The following TOPBP1 variants were observed in gnomAD, a reference collection of about 807,000 sequenced individuals.
TOPBP1 encodes the protein DNA topoisomerase 2-binding protein 1.
TOPBP1 carries 28 observed loss-of-function variants against 167.7 expected under a neutral mutation model. The observed-to-expected ratio is 0.17, with a 90% confidence interval of 0.12 to 0.23. TOPBP1 has a LOEUF of 0.23. TOPBP1 is among the 10% of genes least tolerant of loss of function. The pLI, the probability that TOPBP1 is intolerant of heterozygous loss-of-function variation, is 1.00. For synonymous variants in TOPBP1, 598 were observed against 611.4 expected (o/e 0.98, Z 0.32); for missense variants, 1,554 against 1,809.6 (o/e 0.86, Z 2.56).
intron 23 of TOPBP1, among the ~76,000 whole-genome samples, chr3:133,613,632 T>C (rs1030719484): frequency 1.3e-5 from 2 of 152,062 alleles, no homozygotes; most frequent in African/African-American, 4.8e-5. Context: ...AAAGCAATAA[T>C]TGAACCTCTT....
At chr3:133,638,220 G>C (rs984567971) in intron 13 of TOPBP1, 58 bp from the exon 14 acceptor site, 2 of 1,491,948 alleles carry the variant, frequency 1.3e-6, no homozygotes, top group Non-Finnish European at 1.8e-6. Flanking sequence ...CTTTTTCCCG[G>C]TACACAAGAA....
intron 5 of TOPBP1, among the ~76,000 whole-genome samples, chr3:133,656,135 A>T (rs1360168172): frequency 2.0e-5 from 3 of 151,528 alleles, no homozygotes; most frequent in Admixed American, 6.6e-5. Context: ...TCTAAGCTCC[A>T]TGAGGGAAGT....
intron 24 of TOPBP1, among the ~76,000 whole-genome samples, chr3:133,611,541 C>T (rs1004432002): frequency 6.6e-6 from 1 of 152,074 alleles, no homozygotes; most frequent in Non-Finnish European, 1.5e-5. Context: ...TGAAAGCTTA[C>T]AATGAGATAA....
intron 12 of TOPBP1, among the ~76,000 whole-genome samples, chr3:133,641,092 A>C (rs961154630): frequency 6.6e-6 from 1 of 151,206 alleles, no homozygotes; most frequent in African/African-American, 2.4e-5. Context: ...TTTTTTTTCT[A>C]TGTTTTGTGT....
rs377102298 is a variant in TOPBP1, at chr3:133,601,136, A to G, written c.*114T>C. The G allele has an allele frequency of 7.2e-5, 62 of 858,746 alleles. No individual in the cohort carries two copies. In the East Asian group the frequency reaches 1.7e-3, roughly 23 times the overall value. The allele number at this position is 858,746 out of a possible 1,614,324, so 53.2% of individuals were successfully genotyped here. A position where few individuals can be genotyped will look rare whatever the true frequency, so the allele number is the denominator to read the frequency against. On this transcript the variant is annotated 3_prime_UTR_variant, in exon 28 of 28. Transcript: ENST00000260810. Reference sequence around the variant, plus strand: ...AAGAAGGGTCATCATTATACTCTGAAGCAGAATTCTTCAGGTACTCATCTT... The same window carrying G: ...AAGAAGGGTCATCATTATACTCTGAGGCAGAATTCTTCAGGTACTCATCTT...
In TOPBP1 at chr3:133,608,707, A is replaced by G; in HGVS notation, c.4264-11T>C. 1 of 1,612,750 alleles carries G rather than the reference A, an allele frequency of 6.2e-7. No individual in the cohort carries two copies. The highest frequency in any genetic ancestry group is 8.5e-7 in the Non-Finnish European group (1 of 1,179,478). ...ATGACCAGGTAGCACCTAATGAAAA[A>G]ACAAGGTAGTATCACAATCTACCAG... On this transcript the variant is annotated splice_polypyrimidine_tract_variant and intron_variant, in intron 26 of 27. Transcript: ENST00000260810.
intron 27 of TOPBP1, among the ~76,000 whole-genome samples, chr3:133,606,319 A>C (rs1044313091): frequency 1.3e-5 from 2 of 151,472 alleles, no homozygotes; most frequent in African/African-American, 4.9e-5. Context: ...AATTTAACAA[A>C]AGATAGGTAA....
chr3:133,657,746 GAATA>G, intron 4 of TOPBP1, 48 bp downstream of exon 4: 5 of 1,382,698 alleles, frequency 3.6e-6, no homozygotes, highest in Non-Finnish European at 1.9e-6. Flanking sequence ...GAAAAATTAA[GAATA>G]AGAGATAGAT....
chr3:133,630,163 T>C (rs1206744262), intron 14 of TOPBP1, among the ~76,000 whole-genome samples: 1 of 152,176 alleles, frequency 6.6e-6, no homozygotes, highest in Non-Finnish European at 1.5e-5. Flanking sequence ...GGGTTGTTAG[T>C]CTTTTTTTTA....
rs138853375 is a variant in TOPBP1, at chr3:133,617,398, C to T, written c.3593-72G>A. On this transcript the variant is annotated intron_variant, in intron 21 of 27. Coordinates refer to ENST00000260810, the MANE Select transcript of TOPBP1 (RefSeq NM_007027.4). ...AAAAACAAATTCTAGGAAATATTCT[C>T]ATCTGTCTTAGTCAAGATGAAGTCA... 149 of 1,427,044 alleles carry T rather than the reference C, an allele frequency of 1.0e-4. No homozygotes were observed. In the East Asian group the frequency reaches 3.4e-3, roughly 33 times the overall value. The allele number at this position is 1,427,044 out of a possible 1,614,324, so 88.4% of individuals were successfully genotyped here.
intron 4 of TOPBP1, among the ~76,000 whole-genome samples, chr3:133,657,104 T>C (rs1442047833): frequency 1.3e-5 from 2 of 151,830 alleles, no homozygotes; most frequent in African/African-American, 4.8e-5. Flanking sequence ...ATACAAAGGA[T>C]GTATAAATCT....
intron 16 of TOPBP1, 65 bp downstream of exon 16, chr3:133,628,297 A>G (rs1037473749): frequency 2.4e-5 from 33 of 1,401,788 alleles, no homozygotes; most frequent in Non-Finnish European, 3.1e-5. Context: ...GATGCTCACA[A>G]TAGCTTTAGG....
In TOPBP1 at chr3:133,643,309, G is replaced by A; in HGVS notation, c.1912C>T (p.Pro638Ser). 1 of 1,612,696 alleles carries A rather than the reference G, an allele frequency of 6.2e-7. No homozygotes were observed. The highest frequency in any genetic ancestry group is 8.5e-7 in the Non-Finnish European group (1 of 1,179,346). The change falls in exon 12 of 28, where the codon CCA becomes TCA. Residue 638 changes from proline (P) to serine (S), a missense_variant. By Grantham distance (74) the Pro-to-Ser change is moderately conservative (BLOSUM62 -1). This residue lies in a region of TOPBP1 where 1,197 missense variants were observed against 1,351.5 expected (regional missense o/e 0.89). Transcript: ENST00000260810. ...PKSNPLFTPV[P>S]VMTGMTPLED... Reference sequence around the variant, plus strand: ...AAAGGAGTCATTCCTGTCATTACTGGAACTGGTGTGAAGAGAGGATTCGAC... The same window carrying A: ...AAAGGAGTCATTCCTGTCATTACTGAAACTGGTGTGAAGAGAGGATTCGAC...
chr3:133,660,955 T>C, intron 2 of TOPBP1, 89 bp downstream of exon 2: 3 of 894,096 alleles, frequency 3.4e-6, no homozygotes, highest in East Asian at 2.8e-5. Flanking sequence ...AAGTGAAATA[T>C]CTACTTCTAA....
In TOPBP1 at chr3:133,643,283, T is replaced by C; in HGVS notation, c.1938A>G (p.Leu646=). ...PVPVMTGMTP[L]EDCVISFSQC... ...GGCTAAATGAAATAACACAATCCTC[T>C]AAAGGAGTCATTCCTGTCATTACTG... Residue 646 remains leucine, a synonymous_variant, in exon 12 of 28, where the codon TTA becomes TTG. Coordinates refer to ENST00000260810, the MANE Select transcript of TOPBP1 (RefSeq NM_007027.4). 1 of 1,613,068 alleles carries C rather than the reference T, an allele frequency of 6.2e-7. No individual in the cohort carries two copies. The highest frequency in any genetic ancestry group is 8.5e-7 in the Non-Finnish European group (1 of 1,179,512).
intron 4 of TOPBP1, 92 bp downstream of exon 4, chr3:133,657,706 G>A (rs1936527244): frequency 1.8e-6 from 2 of 1,083,458 alleles, no homozygotes; most frequent in Non-Finnish European, 2.4e-6. Flanking sequence ...ACAATAAGCG[G>A]AAAGTCTTTT....
At position 133,616,904 on chromosome 3, in the gene TOPBP1, G is replaced by A. The variant is rs1195130650; in HGVS notation, c.3781C>T (p.His1261Tyr). The part of the protein sequence containing the change: ...REKIITIEET[H>Y]EELKKQYIFQ... Reference sequence around the variant, plus strand: ...ATGTACTGTTTTTTTAATTCTTCATGAGTCTCCTCTATCGTTATAATCTGG... The same window carrying A: ...ATGTACTGTTTTTTTAATTCTTCATAAGTCTCCTCTATCGTTATAATCTGG... Residue 1261 changes from histidine (H) to tyrosine (Y), a missense_variant, in exon 23 of 28, where the codon CAT (histidine) becomes TAT (tyrosine). His to Tyr is a moderately conservative substitution (Grantham distance 83). Transcript: ENST00000260810. 2 of 1,530,474 alleles carry A rather than the reference G, an allele frequency of 1.3e-6. No homozygotes were observed. The highest frequency in any genetic ancestry group is 2.4e-5 in the East Asian group (1 of 42,224). The allele number at this position is 1,530,474 out of a possible 1,614,324, so 94.8% of individuals were successfully genotyped here.
At chr3:133,659,349 T>C (rs1454695770) in intron 2 of TOPBP1, among the ~76,000 whole-genome samples, 199 bp from the exon 3 acceptor site, 1 of 152,158 alleles carries the variant, frequency 6.6e-6, no homozygotes, top group African/African-American at 2.4e-5. Flanking sequence ...CAGCTAATAA[T>C]CTTTTCAAAA....
chr3:133,661,095 C>A lies in TOPBP1; in HGVS notation c.33G>T (p.Val11=). 1 of 1,599,664 alleles carries A rather than the reference C, an allele frequency of 6.3e-7. No individual in the cohort carries two copies. The highest frequency in any genetic ancestry group is 8.5e-7 in the Non-Finnish European group (1 of 1,174,602). ...AATTGTCTGAAGACTTTAAAAACTT[C>A]ACAAAAAACGGTTCTTTGTCATTTC... is the stretch of plus-strand genomic sequence containing the variant. MSRNDKEPFF[V]KFLKSSDNSK... is the part of the protein sequence containing the mutation. Residue 11 remains valine, a synonymous_variant, in exon 2 of 28, where the codon GTG becomes GTT. Coordinates refer to ENST00000260810, the MANE Select transcript of TOPBP1 (RefSeq NM_007027.4).
Sources: gnomAD v4.1 joint callset for allele counts (sites outside exome capture counted in the v4.1 genomes callset) on GRCh38, gnomAD v4.1.1 for gene constraint, gnomAD v4.1.1 regional missense constraint, MANE v1.5 for transcripts, NCBI Gene and HGNC (gene_info 2026-07-23, HGNC 2026-07-21) for gene names.